The following PTPN4 variants were observed in gnomAD, a reference collection of about 807,000 sequenced individuals.
The protein encoded by PTPN4 is tyrosine-protein phosphatase non-receptor type 4.
PTPN4 carries 49 observed loss-of-function variants against 135.5 expected under a neutral mutation model. The ratio of observed to expected loss-of-function variants is 0.36; its 90% CI spans 0.29 to 0.46. The LOEUF is 0.46. Among genes scored for constraint, PTPN4 ranks in the 20% least tolerant of loss-of-function variants. PTPN4 has a pLI of 1.00. For synonymous variants in PTPN4, 333 were observed against 369.9 expected (o/e 0.90, Z 1.14); for missense variants, 860 against 1,101.0 (o/e 0.78, Z 3.10).
chr2:119,870,506 T>C (rs1267000793), intron 3 of PTPN4, among the ~76,000 whole-genome samples: 1 of 152,138 alleles, frequency 6.6e-6, no homozygotes, highest in Non-Finnish European at 1.5e-5. Flanking sequence ...CTCAACTTCC[T>C]CTGGAAGAGA....
At chr2:119,799,823 G>T (rs1470595542) in intron 1 of PTPN4, among the ~76,000 whole-genome samples, 1 of 152,076 alleles carries the variant, frequency 6.6e-6, no homozygotes, top group Non-Finnish European at 1.5e-5. Context: ...CATAAAATCA[G>T]GAGTTGATCA....
At chr2:119,844,480 C>T (rs1677451900) in intron 2 of PTPN4, among the ~76,000 whole-genome samples, 1 of 148,080 alleles carries the variant, frequency 6.8e-6, no homozygotes, top group South Asian at 2.2e-4. Context: ...GGCGGAGGGG[C>T]TCCTCACTTC....
intron 1 of PTPN4, among the ~76,000 whole-genome samples, chr2:119,775,019 A>G (rs910974015): frequency 2.6e-5 from 4 of 151,780 alleles, no homozygotes; most frequent in African/African-American, 9.7e-5. Flanking sequence ...TGCTAAAAAA[A>G]AAATAAAAAG....
chr2:119,812,959 G>A (rs1277727042), intron 2 of PTPN4, among the ~76,000 whole-genome samples: 1 of 152,090 alleles, frequency 6.6e-6, no homozygotes, highest in Non-Finnish European at 1.5e-5. Context: ...GCCTATTTTA[G>A]TTACTGTGAC....
intron 2 of PTPN4, among the ~76,000 whole-genome samples, chr2:119,858,238 A>G (rs1328287530): frequency 1.3e-5 from 2 of 152,228 alleles, no homozygotes; most frequent in Non-Finnish European, 2.9e-5. Context: ...ATGCAAGAAC[A>G]GCCTAACACA....
At chr2:119,958,674 C>G (rs1380142700) in intron 22 of PTPN4, among the ~76,000 whole-genome samples, 1 of 152,148 alleles carries the variant, frequency 6.6e-6, no homozygotes, top group Non-Finnish European at 1.5e-5. Context: ...AGGGAAAATA[C>G]AGGGTTAGGT....
At position 119,809,865 on chromosome 2, in the gene PTPN4, T is replaced by C. The variant is rs1016309908; in HGVS notation, c.12T>C (p.Arg4=). Residue 4 remains arginine, a synonymous_variant, in exon 2 of 27, where the codon CGT becomes CGC. Coordinates refer to ENST00000263708, the MANE Select transcript of PTPN4 (RefSeq NM_002830.4). ...TTGTGTGGACAGTAATGACCTCACG[T>C]TTCCGATTGCCTGCTGGCAGAACCT... The part of the protein sequence containing the change: MTS[R]FRLPAGRTYN... 7.4e-6 allele frequency: 12 copies of C among 1,610,782 alleles called. No individual in the cohort carries two copies. Among genetic ancestry groups the C allele is most frequent in the Non-Finnish European group, 1.0e-5 (12 of 1,179,092 alleles).
At chr2:119,795,626 C>G (rs1691242184) in intron 1 of PTPN4, among the ~76,000 whole-genome samples, 1 of 152,242 alleles carries the variant, frequency 6.6e-6, no homozygotes, top group Admixed American at 6.5e-5. Flanking sequence ...GAGCAGACAC[C>G]TCTGAGCCTG....
chr2:119,873,560 T>C (rs2104995645), intron 3 of PTPN4, among the ~76,000 whole-genome samples: 1 of 152,286 alleles, frequency 6.6e-6, no homozygotes, highest in African/African-American at 2.4e-5. Context: ...AGTCATCAGG[T>C]AACCGATTAG....
At chr2:119,891,048 A>G (rs1678232384) in intron 9 of PTPN4, among the ~76,000 whole-genome samples, 1 of 152,200 alleles carries the variant, frequency 6.6e-6, no homozygotes, top group Non-Finnish European at 1.5e-5. Flanking sequence ...CAGTCTGATT[A>G]TAATGTTCCA....
chr2:119,815,470 G>A (rs1041153164), intron 2 of PTPN4, among the ~76,000 whole-genome samples: 8 of 152,084 alleles, frequency 5.3e-5, no homozygotes, highest in Non-Finnish European at 1.2e-4. Context: ...TTTACTAATT[G>A]TTTGATGTGC....
chr2:119,928,758 C>A (rs1678860724), intron 13 of PTPN4, among the ~76,000 whole-genome samples: 1 of 152,072 alleles, frequency 6.6e-6, no homozygotes, highest in Admixed American at 6.6e-5. Context: ...CCTTTCTTAA[C>A]AAGTGTCTTC....
intron 2 of PTPN4, among the ~76,000 whole-genome samples, chr2:119,816,114 A>G (rs1036184742): frequency 2.0e-5 from 3 of 152,208 alleles, no homozygotes; most frequent in Admixed American, 6.5e-5. Context: ...GGTATAACCT[A>G]TTACACACCT....
chr2:119,983,238 T>A lies in PTPN4; in HGVS notation c.*6168T>A, dbSNP rs369490384. On this transcript the variant is annotated 3_prime_UTR_variant, in exon 27 of 27. Transcript: ENST00000263708. ...GTGATAAGCTTAAATGCCACATCGC[T>A]AAGTACAATTATTACCAGGAATCCG... 3.9e-5 allele frequency: 6 copies of A among 152,308 alleles called. No homozygotes were observed. The highest frequency in any genetic ancestry group is 8.8e-5 in the Non-Finnish European group (6 of 68,038). The allele number at this position is 152,308 out of a possible 1,614,324, so 9.4% of individuals were successfully genotyped here. A position where few individuals can be genotyped will look rare whatever the true frequency, so the allele number is the denominator to read the frequency against.
At chr2:119,879,891 C>T (rs1191213360) in intron 5 of PTPN4, among the ~76,000 whole-genome samples, 2 of 151,854 alleles carry the variant, frequency 1.3e-5, no homozygotes, top group Non-Finnish European at 2.9e-5. Flanking sequence ...TGAAAGTTGA[C>T]TCTGTTTGGT....
intron 2 of PTPN4, among the ~76,000 whole-genome samples, chr2:119,832,709 T>A (rs1406783165): frequency 1.3e-5 from 2 of 152,180 alleles, no homozygotes; most frequent in Non-Finnish European, 2.9e-5. Flanking sequence ...GTACTGCATT[T>A]GCAATACTGA....
chr2:119,787,373 G>A (rs1691064818), intron 1 of PTPN4, among the ~76,000 whole-genome samples: 1 of 152,116 alleles, frequency 6.6e-6, no homozygotes, highest in Non-Finnish European at 1.5e-5. Context: ...CAAAGGTAAA[G>A]CTCCTTTTAT....
At chr2:119,785,877 A>G (rs766504403) in intron 1 of PTPN4, among the ~76,000 whole-genome samples, 2 of 152,120 alleles carry the variant, frequency 1.3e-5, no homozygotes, top group Non-Finnish European at 2.9e-5. Context: ...AAGGAGAGAG[A>G]GGTGTAGGAT....
intron 11 of PTPN4, among the ~76,000 whole-genome samples, chr2:119,918,407 C>T (rs1223650071): frequency 2.6e-5 from 4 of 152,118 alleles, no homozygotes; most frequent in East Asian, 1.9e-4. Context: ...ATAGTATAGA[C>T]CATTATATAA....
Sources: gnomAD v4.1 joint callset for allele counts (sites outside exome capture counted in the v4.1 genomes callset) on GRCh38, gnomAD v4.1.1 for gene constraint, MANE v1.5 for transcripts, NCBI Gene and HGNC (gene_info 2026-07-23, HGNC 2026-07-21) for gene names.